RARS1: variants seen among roughly 807,000 people sequenced by gnomAD.
RARS1 encodes the protein arginine--tRNA ligase, cytoplasmic.
RARS1 carries 75 observed loss-of-function variants against 78.7 expected under a neutral mutation model. That is an observed-to-expected ratio of 0.95 (90% CI 0.79 to 1.15). The LOEUF (loss-of-function observed/expected upper bound fraction) is 1.15. Among genes scored for constraint, RARS1 ranks in the 50% most tolerant of loss-of-function variants. RARS1 has a pLI of 0.00. For missense variants in RARS1, 787 were observed against 787.5 expected (o/e 1.00, Z 0.01); for synonymous variants, 273 against 268.2 (o/e 1.02, Z -0.18).
rs2305737 is a variant in RARS1, at chr5:168,519,256, C to T, written c.*66C>T. 1 of 1,252,952 alleles carries T rather than the reference C, an allele frequency of 8.0e-7. No homozygotes were observed. 77.6% of individuals were successfully genotyped at this position (1,252,952 alleles called of 1,614,324 possible). A position where few individuals can be genotyped will look rare whatever the true frequency, so the allele number is the denominator to read the frequency against. The stretch of plus-strand genomic sequence containing the variant: ...GCCATTGGCACTGTTTGCTTTTTTA[C>T]AATCATGTGGACACAAGCATAAGTA... On this transcript the variant is annotated 3_prime_UTR_variant, in exon 15 of 15. Transcript: ENST00000231572.
At chr5:168,506,307 C>A in intron 10 of RARS1, 108 bp downstream of exon 10, 1 of 969,918 alleles carries the variant, frequency 1.0e-6, no homozygotes, top group Non-Finnish European at 1.5e-6. Context: ...TCCCCAAAGA[C>A]TAAGATTCAG....
chr5:168,509,096 G>T (rs1344553066), intron 11 of RARS1, among the ~76,000 whole-genome samples: 2 of 152,166 alleles, frequency 1.3e-5, no homozygotes, highest in East Asian at 1.9e-4. Flanking sequence ...GCAGGCGCAG[G>T]TAGGGAGTAA....
chr5:168,489,050 G>T (rs1758025932), intron 2 of RARS1, among the ~76,000 whole-genome samples: 1 of 151,994 alleles, frequency 6.6e-6, no homozygotes, highest in African/African-American at 2.4e-5. Flanking sequence ...TTTGAGACAG[G>T]GTGTCTGTCA....
In RARS1 at chr5:168,517,794, GA is replaced by G. The variant is rs1301569668; in HGVS notation, c.1626-20del. 6.5e-7 allele frequency: 1 copy of G among 1,546,468 alleles called. No individual in the cohort carries two copies. Among genetic ancestry groups the G allele is most frequent in the Non-Finnish European group, 8.7e-7 (1 of 1,142,868 alleles). On this transcript the variant is annotated intron_variant, in intron 13 of 14. Transcript: ENST00000231572. ...AAGGGAACAGTGGTGATTGCCTGAT[GA>G]TTTTTTTGTTTTTTTTAAGGTCTAT...
intron 12 of RARS1, among the ~76,000 whole-genome samples, chr5:168,513,494 A>G (rs1758605988): frequency 1.3e-5 from 2 of 151,880 alleles, no homozygotes; most frequent in South Asian, 2.1e-4. Context: ...TAATTTTTGT[A>G]TTGTTTTTAG....
intron 1 of RARS1, 138 bp from the exon 2 acceptor site, chr5:168,488,464 C>CA: frequency 9.8e-7 from 1 of 1,021,486 alleles, no homozygotes; most frequent in Admixed American, 2.6e-5. Flanking sequence ...CTAACGTCAG[C>CA]AAAAATCTCA....
At chr5:168,518,526 A>C (rs942687453) in intron 14 of RARS1, among the ~76,000 whole-genome samples, 1 of 152,164 alleles carries the variant, frequency 6.6e-6, no homozygotes, top group African/African-American at 2.4e-5. Context: ...GACTGAGAGT[A>C]GGATTTTTCC....
chr5:168,515,576 T>G lies in RARS1; in HGVS notation c.1453-1202T>G, dbSNP rs1758649124. 2.6e-5 allele frequency among the ~76,000 whole-genome samples: 4 copies of G among 152,378 alleles called. 1 individual carries two copies. In the South Asian group the frequency reaches 8.3e-4, roughly 32 times the overall value. ...TATTTCCCTCCAGAGACCGTTATGT[T>G]TTCTTCTAGCCCACAGGTAGCATAC... On this transcript the variant is annotated intron_variant, in intron 12 of 14. Coordinates refer to ENST00000231572, the MANE Select transcript of RARS1 (RefSeq NM_002887.4).
intron 10 of RARS1, among the ~76,000 whole-genome samples, chr5:168,506,425 A>C (rs2290625): frequency 6.6e-6 from 1 of 152,040 alleles, no homozygotes; most frequent in Non-Finnish European, 1.5e-5. Context: ...AACTTCAGCA[A>C]TTGTTCCTAT....
At chr5:168,495,178 G>GT in intron 5 of RARS1, 137 bp from the exon 6 acceptor site, 1 of 1,385,286 alleles carries the variant, frequency 7.2e-7, no homozygotes, top group Non-Finnish European at 9.5e-7. Context: ...CCAAATTAAT[G>GT]TTTAAGTCTG....
At position 168,488,618 on chromosome 5, in the gene RARS1, C is replaced by A. The variant is rs754589841; in HGVS notation, c.62C>A (p.Ser21Tyr). 4.4e-6 allele frequency: 7 copies of A among 1,607,890 alleles called. No homozygotes were observed. Among genetic ancestry groups the A allele is most frequent in the Admixed American group, 1.7e-5 (1 of 58,096 alleles). ...TTCCCACAGGAAGAAGAGATTAAAT[C>A]TCTGACTGCTGAAATTGACCGGTTG... ...RLLQQEEEIK[S>Y]LTAEIDRLKN... The change falls in exon 2 of 15, where the codon TCT (serine) becomes TAT (tyrosine). Residue 21 changes from serine (S) to tyrosine (Y), a missense_variant. Ser to Tyr is a moderately radical substitution (Grantham distance 144). Transcript: ENST00000231572.
intron 8 of RARS1, among the ~76,000 whole-genome samples, chr5:168,501,627 G>A (rs926295102): frequency 1.3e-5 from 2 of 152,184 alleles, no homozygotes; most frequent in Admixed American, 1.3e-4. Flanking sequence ...GGAGGCTGAG[G>A]CAGGAGAATC....
chr5:168,488,554 A>G, intron 1 of RARS1, 48 bp from the exon 2 acceptor site: 1 of 1,561,236 alleles, frequency 6.4e-7, no homozygotes, highest in Non-Finnish European at 8.7e-7. Context: ...GAGAGGGGAA[A>G]TGTGGAAGTA....
chr5:168,506,298 C>T (rs1002556273), intron 10 of RARS1, 99 bp downstream of exon 10: 77 of 1,028,360 alleles, frequency 7.5e-5, no homozygotes, highest in Admixed American at 2.7e-5. Flanking sequence ...TGTAAATTTT[C>T]CCCAAAGACT....
At chr5:168,495,519 A>G in intron 6 of RARS1, 83 bp downstream of exon 6, 1 of 1,503,296 alleles carries the variant, frequency 6.7e-7, no homozygotes, top group Non-Finnish European at 9.0e-7. Context: ...TATCTCACTC[A>G]AGAAAGAACA....
chr5:168,516,654 T>TTAA (rs1299377907), intron 12 of RARS1, 124 bp from the exon 13 acceptor site: 9 of 877,234 alleles, frequency 1.0e-5, no homozygotes, highest in Non-Finnish European at 1.6e-5. Context: ...GTGTCAGTGT[T>TTAA]TATTAAAGTT....
At chr5:168,488,247 C>T (rs901379937) in intron 1 of RARS1, 3 of 361,250 alleles carry the variant, frequency 8.3e-6, no homozygotes, top group Non-Finnish European at 1.7e-5. Context: ...CCTGCCTCAG[C>T]CTCCCAAGTA....
rs1296652512 is a variant in RARS1, at chr5:168,495,424, A to T, written c.689A>T (p.Tyr230Phe). The change falls in exon 6 of 15, where the codon TAT (tyrosine) becomes TTT (phenylalanine). Residue 230 changes from tyrosine to phenylalanine, a missense_variant. Coordinates refer to ENST00000231572, the MANE Select transcript of RARS1 (RefSeq NM_002887.4). Reference sequence around the variant, plus strand: ...AGCCGCCTCTTTGAATTTGCAGGGTATGACGTGCTCAGGTATGTGCTCTTG... The same window carrying T: ...AGCCGCCTCTTTGAATTTGCAGGGTTTGACGTGCTCAGGTATGTGCTCTTG... Reference protein sequence around the residue: ...SISRLFEFAGYDVLRLNHVGD... With the variant: ...SISRLFEFAGFDVLRLNHVGD... The T allele has an allele frequency of 6.2e-7, 1 of 1,613,684 alleles. No homozygotes were observed.
intron 12 of RARS1, among the ~76,000 whole-genome samples, chr5:168,511,953 C>A (rs1007243674): frequency 3.9e-5 from 6 of 152,270 alleles, no homozygotes; most frequent in African/African-American, 1.4e-4. Context: ...GCATCTCGAC[C>A]TCCTGGGCTC....
Sources: allele counts gnomAD v4.1 joint callset (sites outside exome capture counted in the v4.1 genomes callset), GRCh38; gene constraint gnomAD v4.1.1; transcripts MANE v1.5; gene names NCBI Gene and HGNC (gene_info 2026-07-23, HGNC 2026-07-21).